The following INTU variants were observed in gnomAD, a reference collection of about 807,000 sequenced individuals.
INTU encodes protein inturned.
In INTU, 68 loss-of-function variants were observed where a neutral mutation model predicts 100.5. The ratio of observed to expected loss-of-function variants is 0.68; its 90% CI spans 0.56 to 0.83. The LOEUF is 0.83. INTU is among the 40% of genes least tolerant of loss of function. The probability of loss-of-function intolerance (pLI) is 0.00; values close to 1 mark genes in which losing one functional copy is unlikely to be tolerated. For synonymous variants in INTU, 357 were observed against 395.7 expected, an observed-to-expected ratio of 0.90 and a Z score of 1.16; for missense variants, 1,071 against 1,114.7, an observed-to-expected ratio of 0.96 and a Z score of 0.56.
intron 5 of INTU, 116 bp from the exon 6 acceptor site, chr4:127,674,008 A>T: frequency 1.9e-6 from 1 of 520,940 alleles, no homozygotes; most frequent in African/African-American, 2.0e-5. Context: ...AAAAGAAATC[A>T]CTTATTAAGT....
At chr4:127,691,962 G>GTATATATATATA (rs1553982611) in intron 8 of INTU, among the ~76,000 whole-genome samples, 18 of 98,256 alleles carry the variant, frequency 1.8e-4, no homozygotes, top group African/African-American at 6.0e-4. Context: ...TCCATGGTAT[G>GTATATATATATA]TATATATATA....
intron 6 of INTU, 134 bp downstream of exon 6, chr4:127,674,347 A>G (rs1263848101): frequency 4.6e-6 from 3 of 645,904 alleles, no homozygotes; most frequent in South Asian, 2.2e-5. Flanking sequence ...TTGCACTAGT[A>G]AAATAGTTAC....
intron 5 of INTU, among the ~76,000 whole-genome samples, chr4:127,670,127 G>A (rs1056982154): frequency 2.0e-5 from 3 of 151,634 alleles, no homozygotes; most frequent in Non-Finnish European, 4.4e-5. Flanking sequence ...GGAGGAAAAG[G>A]CTCAAAGCTT....
chr4:127,664,059 A>G (rs1047160169), intron 4 of INTU, among the ~76,000 whole-genome samples: 3 of 152,096 alleles, frequency 2.0e-5, no homozygotes, highest in African/African-American at 7.2e-5. Context: ...TGTTACAATC[A>G]ATCCCCTCCT....
chr4:127,669,971 G>T (rs1404152422), intron 5 of INTU, among the ~76,000 whole-genome samples: 1 of 151,778 alleles, frequency 6.6e-6, no homozygotes, highest in African/African-American at 2.4e-5. Flanking sequence ...AGATGCATTC[G>T]TCATCAGTGT....
At chr4:127,646,819 GA>G (rs1727614494) in intron 2 of INTU, among the ~76,000 whole-genome samples, 1 of 151,570 alleles carries the variant, frequency 6.6e-6, no homozygotes, top group African/African-American at 2.4e-5. Context: ...GGTTGAGATT[GA>G]AACTCAAAAA....
chr4:127,710,129 C>T (rs1731040858), intron 13 of INTU, among the ~76,000 whole-genome samples: 1 of 152,022 alleles, frequency 6.6e-6, no homozygotes, highest in African/African-American at 2.4e-5. Context: ...TAAAAGGAGA[C>T]TCTTTTTTCA....
At chr4:127,655,918 T>C (rs1342758924) in intron 2 of INTU, among the ~76,000 whole-genome samples, 1 of 152,174 alleles carries the variant, frequency 6.6e-6, no homozygotes, top group Non-Finnish European at 1.5e-5. Flanking sequence ...CGGGATATAA[T>C]CTCGTGGTGC....
At chr4:127,677,153 G>A (rs2126217064) in intron 6 of INTU, among the ~76,000 whole-genome samples, 1 of 152,298 alleles carries the variant, frequency 6.6e-6, no homozygotes, top group East Asian at 1.9e-4. Context: ...GCCTCTGTAG[G>A]CTCCACCTCT....
At chr4:127,636,248 G>T (rs1169687127) in intron 1 of INTU, among the ~76,000 whole-genome samples, 1 of 151,944 alleles carries the variant, frequency 6.6e-6, no homozygotes, top group Non-Finnish European at 1.5e-5. Context: ...CAGTCTGGGT[G>T]ACAGCAAAAT....
At chr4:127,696,530 C>A (rs544109897) in intron 8 of INTU, among the ~76,000 whole-genome samples, 3 of 151,846 alleles carry the variant, frequency 2.0e-5, no homozygotes, top group East Asian at 1.9e-4. Context: ...TAATGCCCCC[C>A]CCCTTTCATT....
chr4:127,704,990 G>A (rs1730816018), intron 10 of INTU, among the ~76,000 whole-genome samples: 1 of 152,030 alleles, frequency 6.6e-6, no homozygotes, highest in South Asian at 2.1e-4. Flanking sequence ...TACTCAGGAG[G>A]CTGAGGCAGG....
intron 13 of INTU, among the ~76,000 whole-genome samples, chr4:127,709,381 C>A (rs528787951): frequency 2.0e-5 from 3 of 152,096 alleles, no homozygotes; most frequent in Non-Finnish European, 4.4e-5. Context: ...AGTTTCCTCC[C>A]GGCATATCTC....
chr4:127,711,099 A>G lies in INTU; in HGVS notation c.2556A>G (p.Glu852=). 4.4e-6 allele frequency: 7 copies of G among 1,585,842 alleles called. No individual in the cohort carries two copies. Among genetic ancestry groups the G allele is most frequent in the Non-Finnish European group, 6.0e-6 (7 of 1,159,182 alleles). ...IRAVFQQTLV[E]EKKKGLNSGD... ...CAGTTTTCCAACAGACATTGGTGGA[A>G]GAGGTAGGGCACTGCTATAAATACA... is the stretch of plus-strand genomic sequence containing the variant. Residue 852 remains glutamate (E), a synonymous_variant, in exon 14 of 16, where the codon GAA becomes GAG. Transcript: ENST00000335251.
chr4:127,701,145 A>G (rs1271686370), intron 9 of INTU, among the ~76,000 whole-genome samples: 1 of 152,172 alleles, frequency 6.6e-6, no homozygotes, highest in Non-Finnish European at 1.5e-5. Context: ...TCAAGATTGA[A>G]CTACCAACTT....
chr4:127,702,567 G>A (rs2148727992), intron 9 of INTU, among the ~76,000 whole-genome samples: 1 of 152,116 alleles, frequency 6.6e-6, no homozygotes, highest in East Asian at 1.9e-4. Context: ...CTCAATTTTG[G>A]TGGCACTTAC....
chr4:127,659,173 T>C (rs939101621), intron 3 of INTU, among the ~76,000 whole-genome samples: 3 of 152,186 alleles, frequency 2.0e-5, no homozygotes, highest in Non-Finnish European at 2.9e-5. Context: ...CCTCCTGCTA[T>C]GCCACCTGGT....
At chr4:127,694,844 T>C (rs1432587589) in intron 8 of INTU, among the ~76,000 whole-genome samples, 2 of 152,208 alleles carry the variant, frequency 1.3e-5, no homozygotes, top group African/African-American at 2.4e-5. Flanking sequence ...ATTTGTGGAC[T>C]CTCTGTTCCA....
intron 1 of INTU, among the ~76,000 whole-genome samples, chr4:127,641,260 A>T (rs1307212492): frequency 6.6e-6 from 1 of 151,584 alleles, no homozygotes; most frequent in Admixed American, 6.6e-5. Context: ...TCTACTTAAA[A>T]CTCTTTGTTG....
Sources: gnomAD v4.1 joint callset for allele counts (sites outside exome capture counted in the v4.1 genomes callset) on GRCh38, gnomAD v4.1.1 for gene constraint, MANE v1.5 for transcripts, NCBI Gene and HGNC (gene_info 2026-07-23, HGNC 2026-07-21) for gene names.